Variants in PDE8A observed in about 807,000 individuals in gnomAD.
PDE8A encodes the protein high affinity cAMP-specific and IBMX-insensitive 3',5'-cyclic phosphodiesterase 8A.
In PDE8A, 59 loss-of-function variants were observed where a neutral mutation model predicts 105.0. The ratio of observed to expected loss-of-function variants is 0.56; its 90% CI spans 0.46 to 0.70. The LOEUF is 0.70. Among genes scored for constraint, PDE8A ranks in the 30% least tolerant of loss-of-function variants. The pLI is 0.00. For missense variants in PDE8A, 1,014 were observed against 1,045.9 expected (o/e 0.97, Z 0.42); for synonymous variants, 355 against 371.9 (o/e 0.95, Z 0.52).
intron 1 of PDE8A, among the ~76,000 whole-genome samples, chr15:85,054,099 T>A (rs1257361021): frequency 6.6e-6 from 1 of 152,246 alleles, no homozygotes; most frequent in Admixed American, 6.5e-5. Flanking sequence ...TCTTTGGTTC[T>A]GTTTATATGC....
At chr15:85,033,138 A>G (rs541915439) in intron 1 of PDE8A, among the ~76,000 whole-genome samples, 1 of 152,324 alleles carries the variant, frequency 6.6e-6, no homozygotes, top group South Asian at 2.1e-4. Context: ...GAACCAGGGT[A>G]TGAGAGGAAG....
chr15:85,101,885 C>T (rs2081868744), intron 11 of PDE8A, among the ~76,000 whole-genome samples: 1 of 152,092 alleles, frequency 6.6e-6, no homozygotes, highest in Non-Finnish European at 1.5e-5. Flanking sequence ...AGAGCTCTAC[C>T]TGTGAGGTCC....
At chr15:85,041,579 C>G (rs2080809310) in intron 1 of PDE8A, among the ~76,000 whole-genome samples, 1 of 152,200 alleles carries the variant, frequency 6.6e-6, no homozygotes, top group Non-Finnish European at 1.5e-5. Flanking sequence ...TTTCCGCCCA[C>G]CATTTTGTTA....
intron 1 of PDE8A, among the ~76,000 whole-genome samples, chr15:85,042,544 A>G (rs575624238): frequency 1.3e-5 from 2 of 152,326 alleles, no homozygotes; most frequent in South Asian, 4.2e-4. Context: ...GGCTGGGGTT[A>G]ACAATTTACT....
At position 85,094,438 on chromosome 15, in the gene PDE8A, T is replaced by C. The variant is rs1215193002; in HGVS notation, c.852+3257T>C. On this transcript the variant is annotated intron_variant, in intron 8 of 21. Transcript: ENST00000394553. ...CCCCTACTGTTGTCCCTCAGAATGT[T>C]CCTTTGTTGTTGAAGTATCTTTTCT... 3.3e-5 allele frequency among the ~76,000 whole-genome samples: 5 copies of C among 152,222 alleles called. No individual in the cohort carries two copies. The East Asian group carries it at 9.6e-4, about 29-fold the overall frequency.
intron 16 of PDE8A, 59 bp downstream of exon 16, chr15:85,116,178 G>A (rs2082094531): frequency 1.9e-6 from 3 of 1,555,636 alleles, no homozygotes; most frequent in Admixed American, 1.7e-5. Context: ...TGTGTGAGGA[G>A]GCTACCTGAG....
At chr15:85,073,447 C>G (rs567266848) in intron 3 of PDE8A, among the ~76,000 whole-genome samples, 36 of 152,278 alleles carry the variant, frequency 2.4e-4, no homozygotes, top group African/African-American at 8.4e-4. Context: ...AAACAAGGTC[C>G]TCCCTTCCAC....
At chr15:85,006,985 G>A (rs1435252703) in intron 1 of PDE8A, among the ~76,000 whole-genome samples, 1 of 152,190 alleles carries the variant, frequency 6.6e-6, no homozygotes, top group Non-Finnish European at 1.5e-5. Flanking sequence ...GGGACATTGT[G>A]CATTTAATTA....
intron 1 of PDE8A, among the ~76,000 whole-genome samples, chr15:84,995,943 CT>C (rs1226444308): frequency 6.6e-6 from 1 of 152,070 alleles, no homozygotes; most frequent in Non-Finnish European, 1.5e-5. Context: ...TTTAAACTTA[CT>C]TCATTTATTA....
intron 8 of PDE8A, among the ~76,000 whole-genome samples, 184 bp downstream of exon 8, chr15:85,091,365 A>G (rs1218257849): frequency 6.6e-6 from 1 of 152,232 alleles, no homozygotes; most frequent in Non-Finnish European, 1.5e-5. Context: ...GAAAATATAT[A>G]ATATGATTAG....
At chr15:85,087,022 C>T (rs533472179) in intron 6 of PDE8A, among the ~76,000 whole-genome samples, 378 of 147,340 alleles carry the variant, frequency 2.6e-3, no homozygotes, top group South Asian at 5.6e-3. Context: ...TGTGAGCCAC[C>T]ATGCCCAGCA....
intron 1 of PDE8A, among the ~76,000 whole-genome samples, chr15:85,005,573 T>C (rs951858181): frequency 2.6e-5 from 4 of 152,222 alleles, no homozygotes; most frequent in African/African-American, 9.6e-5. Flanking sequence ...ATATGGTATT[T>C]AGTAAGGCAA....
intron 8 of PDE8A, 134 bp downstream of exon 8, chr15:85,091,315 C>T: frequency 1.5e-6 from 1 of 671,294 alleles, no homozygotes; most frequent in Non-Finnish European, 2.3e-6. Flanking sequence ...GAATGTTATC[C>T]CTGTTATATC....
intron 1 of PDE8A, among the ~76,000 whole-genome samples, chr15:85,021,213 C>T (rs1440745183): frequency 6.6e-6 from 1 of 152,124 alleles, no homozygotes; most frequent in African/African-American, 2.4e-5. Flanking sequence ...TTGGACCTCC[C>T]ACCCTCCAGA....
At chr15:84,991,416 C>A (rs2079883878) in intron 1 of PDE8A, among the ~76,000 whole-genome samples, 1 of 152,112 alleles carries the variant, frequency 6.6e-6, no homozygotes, top group African/African-American at 2.4e-5. Context: ...GCAAATTAAA[C>A]CCACAATGAA....
At chr15:85,085,573 C>T (rs766278426) in intron 6 of PDE8A, among the ~76,000 whole-genome samples, 2 of 151,526 alleles carry the variant, frequency 1.3e-5, no homozygotes, top group African/African-American at 4.9e-5. Flanking sequence ...TGGTGAGCAC[C>T]TGTAATCCCA....
rs574403211 is a variant in PDE8A, at chr15:85,038,013, A to G, written c.187-26357A>G. ...TCTTGAAATAGAAGATACTTTAGTC[A>G]TATTTGTTACGTTTTACAAAATTTA... On this transcript the variant is annotated intron_variant, in intron 1 of 21. Coordinates refer to ENST00000394553, the MANE Select transcript of PDE8A (RefSeq NM_002605.3). Among the ~76,000 whole-genome samples, 7 of 152,356 alleles carry G rather than the reference A, an allele frequency of 4.6e-5. No individual in the cohort carries two copies. In the South Asian group the frequency reaches 1.4e-3, roughly 32 times the overall value.
At position 85,138,783 on chromosome 15, in the gene PDE8A, C is replaced by G. The variant is rs1186425366; in HGVS notation, c.*880C>G. 1 of 152,170 alleles carries G rather than the reference C, an allele frequency of 6.6e-6. No individual in the cohort carries two copies. The highest frequency in any genetic ancestry group is 1.5e-5 in the Non-Finnish European group (1 of 68,038). 9.4% of individuals were successfully genotyped at this position (152,170 alleles called of 1,614,324 possible). On this transcript the variant is annotated 3_prime_UTR_variant, in exon 22 of 22. Coordinates refer to ENST00000394553, the MANE Select transcript of PDE8A (RefSeq NM_002605.3). ...TAACTCCCCAAGGTAAAACTAGACT[C>G]TCTTGTTGGTTCGCAAAGAAAAGTT... is the stretch of plus-strand genomic sequence containing the variant.
chr15:85,101,288 A>C (rs1257503440), intron 11 of PDE8A, among the ~76,000 whole-genome samples: 1 of 152,200 alleles, frequency 6.6e-6, no homozygotes, highest in Non-Finnish European at 1.5e-5. Context: ...GACACAAAGG[A>C]ACACAGCAAG....
Sources: gnomAD v4.1 joint callset for allele counts (sites outside exome capture counted in the v4.1 genomes callset) on GRCh38, gnomAD v4.1.1 for gene constraint, MANE v1.5 for transcripts, NCBI Gene and HGNC (gene_info 2026-07-23, HGNC 2026-07-21) for gene names.